KYAT3: variants seen among roughly 807,000 people sequenced by gnomAD.
The protein encoded by KYAT3 is kynurenine--oxoglutarate transaminase 3.
Under a neutral mutation model 59.0 loss-of-function variants are expected in KYAT3, and 50 were observed. The observed-to-expected ratio is 0.85, with a 90% CI of 0.68 to 1.07. The LOEUF is 1.07. Ranked by LOEUF, KYAT3 falls within the 50% of genes least tolerant of loss-of-function variation. The pLI is 0.00. For synonymous variants in KYAT3, 148 were observed against 177.0 expected, an observed-to-expected ratio of 0.84 and a Z score of 1.30; for missense variants, 497 against 533.3, an observed-to-expected ratio of 0.93 and a Z score of 0.67.
chr1:88,968,578 A>G, intron 4 of KYAT3, 92 bp downstream of exon 4: 1 of 1,037,296 alleles, frequency 9.6e-7, no homozygotes, highest in Non-Finnish European at 1.3e-6. Context: ...AGTCACTTAT[A>G]TATGAATGAC....
chr1:88,947,295 A>G (rs564435088), intron 11 of KYAT3, among the ~76,000 whole-genome samples: 1 of 152,226 alleles, frequency 6.6e-6, no homozygotes, highest in Admixed American at 6.5e-5. Context: ...GGCCCCCAAA[A>G]AGGCTTTGGC....
At chr1:88,924,972 A>C in the KYAT3 span, among the ~76,000 whole-genome samples, 113 of 152,286 alleles carry the variant, frequency 7.4e-4, 1 homozygote, top group Non-Finnish European at 8.5e-4. Flanking sequence ...GCTTGCCACC[A>C]TCTTGGAAGC....
chr1:88,933,080 T>G (rs1215782982), downstream of KYAT3, among the ~76,000 whole-genome samples: 1 of 152,164 alleles, frequency 6.6e-6, no homozygotes, highest in East Asian at 1.9e-4. Flanking sequence ...TAAATCTGCT[T>G]CCATGTCCCC....
intron 1 of KYAT3, among the ~76,000 whole-genome samples, chr1:88,990,271 A>AAACCATAAAAAACAAACAAAC (rs1557712184): frequency 1.3e-5 from 2 of 150,706 alleles, no homozygotes; most frequent in African/African-American, 4.9e-5. Context: ...TCCCGGTTAA[A>AAACCATAAAAAACAAACAAAC]AAACATAAAA....
In KYAT3 at chr1:88,983,273, C is replaced by T. The variant is rs753907563; in HGVS notation, c.99+4979G>A. 9.3e-6 allele frequency: 15 copies of T among 1,613,666 alleles called. No individual in the cohort carries two copies. Among genetic ancestry groups the T allele is most frequent in the South Asian group, 7.7e-5 (7 of 91,078 alleles). On this transcript the variant is annotated intron_variant, in intron 2 of 13. Coordinates refer to ENST00000260508, the MANE Select transcript of KYAT3 (RefSeq NM_001008661.3). Reference sequence around the variant, plus strand: ...TGGACCTCCATAACTATCTCTTCCACGTGATAGAGGAGCTCTTCCTCCCAT... The same window carrying T: ...TGGACCTCCATAACTATCTCTTCCATGTGATAGAGGAGCTCTTCCTCCCAT...
At chr1:88,941,588 C>T (rs552417353) in intron 13 of KYAT3, among the ~76,000 whole-genome samples, 4 of 151,578 alleles carry the variant, frequency 2.6e-5, no homozygotes, top group South Asian at 4.2e-4. Context: ...TTCTGGTCTC[C>T]GCTGTTTCTG....
At chr1:88,922,940 T>C in the KYAT3 span, among the ~76,000 whole-genome samples, 1 of 152,182 alleles carries the variant, frequency 6.6e-6, no homozygotes, top group African/African-American at 2.4e-5. Context: ...CTAGAGTAAC[T>C]ATGTGATGCT....
At chr1:88,925,362 C>T in the KYAT3 span, among the ~76,000 whole-genome samples, 1 of 152,214 alleles carries the variant, frequency 6.6e-6, no homozygotes, top group Non-Finnish European at 1.5e-5. Flanking sequence ...AGTGTAGCCC[C>T]AAAATTCTCC....
rs147587510 is a variant in KYAT3, at chr1:88,988,438, T to A, written c.-1-87A>T. 2.0e-4 allele frequency: 134 copies of A among 676,048 alleles called. 1 individual carries two copies. The East Asian group carries it at 3.3e-3, about 17-fold the overall frequency. 41.9% of individuals were successfully genotyped at this position (676,048 alleles called of 1,614,324 possible). A position where few individuals can be genotyped will look rare whatever the true frequency, so the allele number is the denominator to read the frequency against. On this transcript the variant is annotated intron_variant, in intron 1 of 13. Coordinates refer to ENST00000260508, the MANE Select transcript of KYAT3 (RefSeq NM_001008661.3). ...ACACTTACAGCTAGCTGATGTATCA[T>A]AAGCTTACGTAAAATCCAAGTAAAC...
chr1:88,986,748 C>T (rs897934387), intron 2 of KYAT3, among the ~76,000 whole-genome samples: 7 of 152,074 alleles, frequency 4.6e-5, no homozygotes, highest in African/African-American at 7.2e-5. Flanking sequence ...GTGGATGAAA[C>T]GAATATTCTA....
rs200550194 is a variant in KYAT3, at chr1:88,953,061, A to C, written c.954+2T>G. 3.4e-4 allele frequency: 536 copies of C among 1,576,684 alleles called. No homozygotes were observed. Among genetic ancestry groups the C allele is most frequent in the Admixed American group, 6.0e-4 (36 of 59,958 alleles). ...TCTACCCTGAGTTACTATAACACTT[A>C]CCTGTAAAGGAGTTGCACAAGTATA... is the stretch of plus-strand genomic sequence containing the variant. On this transcript the variant is annotated splice_donor_variant, in intron 10 of 13. Transcript: ENST00000260508. LOFTEE classifies it high-confidence loss of function.
chr1:88,968,720 ATTC>A lies in KYAT3; in HGVS notation c.250_252del (p.Glu84del). On this transcript the variant is annotated inframe_deletion, in exon 4 of 14. Coordinates refer to ENST00000260508, the MANE Select transcript of KYAT3 (RefSeq NM_001008661.3). ...CTATCGATTGCTGCAATCTTTGATA[ATTC>A]TTCTTTTACATATGTAGGAGGGGAT... 1 of 1,601,044 alleles carries A rather than the reference ATTC, an allele frequency of 6.2e-7. No individual in the cohort carries two copies. Among genetic ancestry groups the A allele is most frequent in the Non-Finnish European group, 8.5e-7 (1 of 1,176,424 alleles).
At chr1:88,921,650 A>T in the KYAT3 span, among the ~76,000 whole-genome samples, 1 of 152,246 alleles carries the variant, frequency 6.6e-6, no homozygotes, top group Non-Finnish European at 1.5e-5. Context: ...CCAGAGAAAT[A>T]GAACCACTAG....
At chr1:88,954,113 G>C (rs766460994) in intron 9 of KYAT3, among the ~76,000 whole-genome samples, 10 of 152,080 alleles carry the variant, frequency 6.6e-5, no homozygotes, top group Non-Finnish European at 1.2e-4. Context: ...TGTTAGGCTG[G>C]TTGAGAACTC....
intron 11 of KYAT3, among the ~76,000 whole-genome samples, chr1:88,945,455 T>C (rs1354049885): frequency 6.6e-6 from 1 of 152,306 alleles, no homozygotes; most frequent in African/African-American, 2.4e-5. Flanking sequence ...TTCTAATTAC[T>C]GGATTCAGAG....
the KYAT3 span, among the ~76,000 whole-genome samples, chr1:88,930,140 G>A: frequency 6.6e-6 from 1 of 152,222 alleles, no homozygotes; most frequent in Non-Finnish European, 1.5e-5. Flanking sequence ...GGAAATTGAT[G>A]TAGTGGCAAA....
Position 88,961,407 on chromosome 1 carries a change from TTAGTA to T in KYAT3, c.635_639del (p.Ile212LysfsTer5), listed in dbSNP as rs1218049425. Reference sequence around the variant, plus strand: ...TTGCCAAGTGGGTTATGTGGAGTATTTAGTATAATAGCTTTGGTTTTGGAATTAAA... The same window carrying T: ...TTGCCAAGTGGGTTATGTGGAGTATTTAATAGCTTTGGTTTTGGAATTAAA... On this transcript the variant is annotated frameshift_variant, in exon 7 of 14. Coordinates refer to ENST00000260508, the MANE Select transcript of KYAT3 (RefSeq NM_001008661.3). LOFTEE classifies it high-confidence loss of function. 1.9e-6 allele frequency: 3 copies of T among 1,613,862 alleles called. No homozygotes were observed. Among genetic ancestry groups the T allele is most frequent in the Admixed American group, 3.3e-5 (2 of 60,012 alleles).
At position 88,949,283 on chromosome 1, in the gene KYAT3, T is replaced by C. The variant is rs773153139; in HGVS notation, c.955-6A>G. 50 of 1,527,878 alleles carry C rather than the reference T, an allele frequency of 3.3e-5. No individual in the cohort carries two copies. Among genetic ancestry groups the C allele is most frequent in the Non-Finnish European group, 4.4e-6 (5 of 1,144,004 alleles). The allele number at this position is 1,527,878 out of a possible 1,614,324, so 94.6% of individuals were successfully genotyped here. A position where few individuals can be genotyped will look rare whatever the true frequency, so the allele number is the denominator to read the frequency against. On this transcript the variant is annotated splice_region_variant and splice_polypyrimidine_tract_variant and intron_variant, in intron 10 of 13. Coordinates refer to ENST00000260508, the MANE Select transcript of KYAT3 (RefSeq NM_001008661.3). Reference sequence around the variant, plus strand: ...AAAGCTTGAGCCAAGGCTTCCTGTTTGTTAAGAATCAAAAAATATGAAAAG... The same window carrying C: ...AAAGCTTGAGCCAAGGCTTCCTGTTCGTTAAGAATCAAAAAATATGAAAAG...
intron 9 of KYAT3, 147 bp from the exon 10 acceptor site, chr1:88,953,299 C>T (rs1344360429): frequency 3.4e-6 from 2 of 590,860 alleles, no homozygotes; most frequent in East Asian, 5.7e-5. Context: ...AATCCCAGCA[C>T]TTTGGGAAGC....
Sources: allele counts gnomAD v4.1 joint callset (sites outside exome capture counted in the v4.1 genomes callset), GRCh38; gene constraint gnomAD v4.1.1; transcripts MANE v1.5; gene names NCBI Gene and HGNC (gene_info 2026-07-23, HGNC 2026-07-21).